The following LSAMP variants were observed in gnomAD, a reference collection of about 807,000 sequenced individuals.
LSAMP encodes the protein limbic system-associated membrane protein.
In LSAMP, 7 loss-of-function variants were observed where a neutral mutation model predicts 38.6. The ratio of observed to expected loss-of-function variants is 0.18; its 90% confidence interval spans 0.10 to 0.34. The LOEUF (loss-of-function observed/expected upper bound fraction) is 0.34. Among genes scored for constraint, LSAMP ranks in the 10% least tolerant of loss-of-function variants. The pLI, the probability that LSAMP is intolerant of heterozygous loss-of-function variation, is 1.00. For missense variants in LSAMP, 313 were observed against 420.0 expected, an observed-to-expected ratio of 0.75 and a Z score of 2.23; for synonymous variants, 154 against 166.8, an observed-to-expected ratio of 0.92 and a Z score of 0.59.
At chr3:116,298,025 A>G (rs922247773) in intron 1 of LSAMP, among the ~76,000 whole-genome samples, 1 of 152,188 alleles carries the variant, frequency 6.6e-6, no homozygotes, top group East Asian at 1.9e-4. Context: ...TGGCAGCCAA[A>G]TAATCTTCCA....
chr3:115,881,958 G>A (rs1180405483), intron 3 of LSAMP, among the ~76,000 whole-genome samples: 2 of 152,092 alleles, frequency 1.3e-5, no homozygotes, highest in East Asian at 3.9e-4. Context: ...TAGCCAATAT[G>A]TCCAGAAATT....
At chr3:116,327,705 G>A (rs934734347) in intron 1 of LSAMP, among the ~76,000 whole-genome samples, 2 of 152,130 alleles carry the variant, frequency 1.3e-5, no homozygotes, top group Non-Finnish European at 2.9e-5. Context: ...CGGGTAGAAT[G>A]TCAGTCCCTA....
chr3:116,084,844 T>A (rs980013367), intron 2 of LSAMP, among the ~76,000 whole-genome samples: 2 of 152,078 alleles, frequency 1.3e-5, no homozygotes, highest in Non-Finnish European at 2.9e-5. Context: ...AATCACGAGA[T>A]AATCTGAATA....
At chr3:115,996,750 AT>A (rs1939826424) in intron 3 of LSAMP, among the ~76,000 whole-genome samples, 1 of 151,990 alleles carries the variant, frequency 6.6e-6, no homozygotes, top group Non-Finnish European at 1.5e-5. Flanking sequence ...ATTTATTACT[AT>A]TTGCTCAGGA....
chr3:116,290,900 A>C (rs1576486281), intron 1 of LSAMP, among the ~76,000 whole-genome samples: 1 of 151,992 alleles, frequency 6.6e-6, no homozygotes, highest in East Asian at 1.9e-4. Flanking sequence ...TCTCTTAAAA[A>C]ATCTCCTGTA....
chr3:115,831,409 T>C (rs2107484053), intron 6 of LSAMP, among the ~76,000 whole-genome samples: 1 of 152,310 alleles, frequency 6.6e-6, no homozygotes, highest in South Asian at 2.1e-4. Context: ...ACAAAACGGT[T>C]GTTTGCCCTT....
chr3:116,128,486 C>A (rs1709055259), intron 1 of LSAMP, among the ~76,000 whole-genome samples: 2 of 152,266 alleles, frequency 1.3e-5, no homozygotes, highest in Non-Finnish European at 2.9e-5. Context: ...GAGAAGTTAG[C>A]TGGGTTTGAT....
chr3:115,838,608 G>A (rs1260216784), intron 6 of LSAMP, among the ~76,000 whole-genome samples: 1 of 152,196 alleles, frequency 6.6e-6, no homozygotes, highest in East Asian at 1.9e-4. Flanking sequence ...GCATTACTTG[G>A]TTATACCGAC....
chr3:116,232,552 G>T (rs1477045668), intron 1 of LSAMP, among the ~76,000 whole-genome samples: 1 of 152,084 alleles, frequency 6.6e-6, no homozygotes, highest in Admixed American at 6.6e-5. Flanking sequence ...CTACCTGGTT[G>T]CTTTATAAAG....
At chr3:116,162,281 G>C (rs1322449682) in intron 1 of LSAMP, among the ~76,000 whole-genome samples, 1 of 152,090 alleles carries the variant, frequency 6.6e-6, no homozygotes, top group Non-Finnish European at 1.5e-5. Flanking sequence ...GCATGGTTTG[G>C]TGTTGGTGAA....
At chr3:116,169,271 G>T (rs938326221) in intron 1 of LSAMP, among the ~76,000 whole-genome samples, 1 of 151,878 alleles carries the variant, frequency 6.6e-6, no homozygotes, top group Admixed American at 6.6e-5. Context: ...CATATGGGGG[G>T]AAAAAAAGCA....
At chr3:116,164,980 A>C (rs1710014021) in intron 1 of LSAMP, among the ~76,000 whole-genome samples, 1 of 151,886 alleles carries the variant, frequency 6.6e-6, no homozygotes, top group African/African-American at 2.4e-5. Flanking sequence ...CTGACTCCTC[A>C]CTTGTTACTT....
At chr3:115,974,758 T>C (rs189335084) in intron 3 of LSAMP, among the ~76,000 whole-genome samples, 1 of 152,116 alleles carries the variant, frequency 6.6e-6, no homozygotes, top group Admixed American at 6.5e-5. Flanking sequence ...AAGCTAGTAA[T>C]AGATATTAAC....
chr3:115,927,350 A>G (rs967302585), intron 3 of LSAMP, among the ~76,000 whole-genome samples: 2 of 152,180 alleles, frequency 1.3e-5, no homozygotes, highest in Admixed American at 1.3e-4. Context: ...ACTTGTTGAA[A>G]TATTCACCAC....
chr3:116,330,575 C>A (rs1559830539), intron 1 of LSAMP, among the ~76,000 whole-genome samples: 1 of 151,744 alleles, frequency 6.6e-6, no homozygotes, highest in East Asian at 1.9e-4. Flanking sequence ...TTTTATTTTT[C>A]TTTTTTTCTC....
chr3:115,958,544 A>C (rs1390392524), intron 3 of LSAMP, among the ~76,000 whole-genome samples: 2 of 152,112 alleles, frequency 1.3e-5, no homozygotes, highest in African/African-American at 4.8e-5. Flanking sequence ...GGTTGATATG[A>C]GGTTGATATA....
Position 115,908,071 on chromosome 3 carries a change from A to G in LSAMP, c.515-55454T>C, listed in dbSNP as rs188200910. On this transcript the variant is annotated intron_variant, in intron 3 of 6. Transcript: ENST00000490035. The stretch of plus-strand genomic sequence containing the variant: ...ATGAAATCCTGGTGTTTGACCATAC[A>G]GGGAAGATAAGAAAGATATATATAT... 1.6e-3 allele frequency among the ~76,000 whole-genome samples: 247 copies of G among 150,176 alleles called. 1 individual carries two copies. The highest frequency in any genetic ancestry group is 4.6e-3 in the African/African-American group (191 of 41,328).
chr3:116,287,700 T>C (rs1418829099), intron 1 of LSAMP, among the ~76,000 whole-genome samples: 2 of 152,102 alleles, frequency 1.3e-5, no homozygotes, highest in Non-Finnish European at 2.9e-5. Context: ...GAAACCAAAA[T>C]AAATGGCCAT....
intron 4 of LSAMP, among the ~76,000 whole-genome samples, chr3:115,845,970 A>G (rs1935145882): frequency 6.6e-6 from 1 of 152,322 alleles, no homozygotes; most frequent in East Asian, 1.9e-4. Flanking sequence ...GAATACTGAT[A>G]AATATACAAA....
Sources: allele counts gnomAD v4.1 joint callset (sites outside exome capture counted in the v4.1 genomes callset), GRCh38; gene constraint gnomAD v4.1.1; transcripts MANE v1.5; gene names NCBI Gene and HGNC (gene_info 2026-07-23, HGNC 2026-07-21).